CCDC102B: variants seen among roughly 807,000 people sequenced by gnomAD.
The protein encoded by CCDC102B is coiled-coil domain-containing protein 102B.
A neutral mutation model predicts 57.4 loss-of-function variants in CCDC102B; 75 were observed. That is an observed-to-expected ratio of 1.31 (90% CI 1.08 to 1.58). The LOEUF is 1.58. Among genes scored for constraint, CCDC102B ranks in the 40% most tolerant of loss-of-function variants. The pLI is 0.00. For synonymous variants in CCDC102B, 206 were observed against 201.9 expected, an observed-to-expected ratio of 1.02 and a Z score of -0.17; for missense variants, 636 against 582.6, an observed-to-expected ratio of 1.09 and a Z score of -0.94.
intron 6 of CCDC102B, among the ~76,000 whole-genome samples, chr18:68,957,845 A>G (rs1392235149): frequency 6.6e-6 from 1 of 151,906 alleles, no homozygotes; most frequent in Non-Finnish European, 1.5e-5. Context: ...TAATTCCTAG[A>G]CTTTTATTTT....
intron 2 of CCDC102B, among the ~76,000 whole-genome samples, chr18:68,777,805 A>G (rs1475122234): frequency 6.6e-6 from 1 of 152,130 alleles, no homozygotes; most frequent in Non-Finnish European, 1.5e-5. Flanking sequence ...ACAGTTTCCT[A>G]AATATGTCAG....
At chr18:69,047,763 A>G (rs888176882) in intron 7 of CCDC102B, among the ~76,000 whole-genome samples, 1 of 152,118 alleles carries the variant, frequency 6.6e-6, no homozygotes, top group Non-Finnish European at 1.5e-5. Flanking sequence ...CTAGAGTCAT[A>G]TAAGGAATGT....
rs146675439 is a variant in CCDC102B at position 68,776,765 on chromosome 18, C to T, written c.-66-46601C>T. 7.7e-4 allele frequency among the ~76,000 whole-genome samples: 117 copies of T among 152,082 alleles called. No individual in the cohort carries two copies. The East Asian group carries it at 0.017, about 23-fold the overall frequency. On this transcript the variant is annotated intron_variant, in intron 2 of 3. Coordinates refer to the CCDC102B transcript ENST00000578970. ...ATCTGTACAAAAAAAAACCCTATGACACAAGTTTACCTATGAAACAAACCT... is the reference window on the plus strand; with the variant it reads ...ATCTGTACAAAAAAAAACCCTATGATACAAGTTTACCTATGAAACAAACCT...
chr18:68,788,872 A>G (rs2035317143), intron 2 of CCDC102B, among the ~76,000 whole-genome samples: 1 of 152,098 alleles, frequency 6.6e-6, no homozygotes, highest in African/African-American at 2.4e-5. Flanking sequence ...TCCTGTCATT[A>G]TGATGTTAGC....
chr18:68,858,181 G>A (rs1343957519), intron 4 of CCDC102B, among the ~76,000 whole-genome samples: 6 of 152,164 alleles, frequency 3.9e-5, no homozygotes, highest in African/African-American at 1.4e-4. Flanking sequence ...CCATAGATTA[G>A]TTTGCATTTT....
intron 4 of CCDC102B, among the ~76,000 whole-genome samples, chr18:68,851,641 G>C (rs1182757548): frequency 6.6e-6 from 1 of 152,096 alleles, no homozygotes; most frequent in Non-Finnish European, 1.5e-5. Flanking sequence ...AGGCTTTTCA[G>C]AATCTACTTG....
chr18:68,789,743 C>A (rs2144655874), intron 2 of CCDC102B, among the ~76,000 whole-genome samples: 1 of 143,002 alleles, frequency 7.0e-6, no homozygotes, highest in African/African-American at 2.6e-5. Flanking sequence ...AAATTTTTTT[C>A]AAAGTTTTCA....
At chr18:68,926,440 T>G (rs1036638417) in intron 6 of CCDC102B, among the ~76,000 whole-genome samples, 1 of 151,878 alleles carries the variant, frequency 6.6e-6, no homozygotes, top group African/African-American at 2.4e-5. Context: ...AAATTTTCTA[T>G]TATCTTTTTT....
At chr18:69,046,390 G>C (rs369788496) in intron 7 of CCDC102B, among the ~76,000 whole-genome samples, 1 of 152,070 alleles carries the variant, frequency 6.6e-6, no homozygotes, top group Non-Finnish European at 1.5e-5. Context: ...ATGCATGAAT[G>C]TCTTCTTTTG....
intron 6 of CCDC102B, among the ~76,000 whole-genome samples, chr18:68,911,691 G>GC (rs1430459377): frequency 7.5e-6 from 1 of 132,884 alleles, no homozygotes; most frequent in Non-Finnish European, 1.5e-5. Flanking sequence ...GGCGGAGCTT[G>GC]CAGTGAGCCG....
intron 7 of CCDC102B, among the ~76,000 whole-genome samples, chr18:69,026,264 G>A (rs904269907): frequency 2.0e-5 from 3 of 152,006 alleles, no homozygotes; most frequent in Admixed American, 6.6e-5. Flanking sequence ...TCAGGAGTTC[G>A]AGACCAGCCT....
At chr18:68,856,336 G>A (rs1267006153) in intron 4 of CCDC102B, among the ~76,000 whole-genome samples, 6 of 151,632 alleles carry the variant, frequency 4.0e-5, no homozygotes, top group East Asian at 1.9e-4. Context: ...TGTTACTCAC[G>A]CTGGAGTGCA....
chr18:68,753,827 A>T (rs1423917357), intron 2 of CCDC102B: 4 of 152,110 alleles, frequency 2.6e-5, no homozygotes, highest in African/African-American at 9.7e-5. Flanking sequence ...CTCTCAAAGT[A>T]TTGGGATCAC....
chr18:68,955,642 TA>T (rs2049824140), intron 6 of CCDC102B, among the ~76,000 whole-genome samples: 1 of 152,092 alleles, frequency 6.6e-6, no homozygotes, highest in Non-Finnish European at 1.5e-5. Context: ...TTTTTTGCTT[TA>T]ATTACCATCT....
At chr18:68,981,485 A>G (rs1261711927) in intron 6 of CCDC102B, among the ~76,000 whole-genome samples, 1 of 152,072 alleles carries the variant, frequency 6.6e-6, no homozygotes, top group Non-Finnish European at 1.5e-5. Context: ...GTTAGGACTC[A>G]TTGATCAGAG....
intron 6 of CCDC102B, among the ~76,000 whole-genome samples, chr18:68,953,433 T>C (rs2049757314): frequency 6.6e-6 from 1 of 151,482 alleles, no homozygotes; most frequent in Non-Finnish European, 1.5e-5. Flanking sequence ...GATTTGTATT[T>C]CCCTGATGAT....
Position 68,838,797 on chromosome 18 carries a change from G to T in CCDC102B, c.698G>T (p.Gly233Val), listed in dbSNP as rs746621352. 2.5e-6 allele frequency: 4 copies of T among 1,614,008 alleles called. No individual in the cohort carries two copies. Among genetic ancestry groups the T allele is most frequent in the Non-Finnish European group, 3.4e-6 (4 of 1,179,962 alleles). Reference protein sequence around the residue: ...GVDLFNNGGSGNGETKTGLRL... With the variant: ...GVDLFNNGGSVNGETKTGLRL... ...GATTTATTCAACAATGGTGGTTCTGGAAACGGTGAAACGAAAACTGGGCTG... is the reference window on the plus strand; with the variant it reads ...GATTTATTCAACAATGGTGGTTCTGTAAACGGTGAAACGAAAACTGGGCTG... Residue 233 changes from glycine to valine, a missense_variant, in exon 3 of 8, where the codon GGA (glycine) becomes GTA (valine). Physicochemically the swap from Gly to Val is moderately radical, Grantham distance 109 (BLOSUM62 -3). Transcript: ENST00000360242.
chr18:69,031,868 T>C (rs2052156047), intron 7 of CCDC102B, among the ~76,000 whole-genome samples: 1 of 152,100 alleles, frequency 6.6e-6, no homozygotes, highest in Non-Finnish European at 1.5e-5. Context: ...ATAAGCAAAA[T>C]CAAGTAGGTT....
At chr18:68,846,536 G>A in intron 4 of CCDC102B, 115 bp downstream of exon 4, 1 of 559,054 alleles carries the variant, frequency 1.8e-6, no homozygotes, top group Non-Finnish European at 3.0e-6. Context: ...GTTAAAAATT[G>A]GAATTTCCTC....
Sources: allele counts gnomAD v4.1 joint callset (sites outside exome capture counted in the v4.1 genomes callset), GRCh38; gene constraint gnomAD v4.1.1; transcripts MANE v1.5; gene names NCBI Gene and HGNC (gene_info 2026-07-23, HGNC 2026-07-21).